The following TANC2 variants were observed in gnomAD, a reference collection of about 807,000 sequenced individuals.
The protein encoded by TANC2 is tetratricopeptide repeat, ankyrin repeat and coiled-coil containing 2.
A neutral mutation model predicts 210.5 loss-of-function variants in TANC2; 26 were observed. The observed-to-expected ratio is 0.12, with a 90% CI of 0.09 to 0.17. TANC2 has a LOEUF of 0.17. TANC2 is among the 10% of genes least tolerant of loss of function. TANC2 has a pLI of 1.00. For synonymous variants in TANC2, 931 were observed against 967.1 expected, an observed-to-expected ratio of 0.96 and a Z score of 0.69; for missense variants, 2,129 against 2,608.9, an observed-to-expected ratio of 0.82 and a Z score of 4.01.
rs188703631 is a variant in TANC2, at chr17:63,003,523, C to T, written c.-23-6014C>T. On this transcript the variant is annotated intron_variant, in intron 1 of 27. Transcript: ENST00000689528. Reference sequence around the variant, plus strand: ...AACTAGACAAAGGGATGTTTTACCTCCCAGGCAGGATGGAGCAGGATGGTG... The same window carrying T: ...AACTAGACAAAGGGATGTTTTACCTTCCAGGCAGGATGGAGCAGGATGGTG... Among the ~76,000 whole-genome samples the T allele has an allele frequency of 2.8e-3, 423 of 152,306 alleles. 1 individual carries two copies. The highest frequency in any genetic ancestry group is 4.6e-3 in the Non-Finnish European group (315 of 68,032).
chr17:63,077,329 G>GTCTTA (rs2036606177), intron 3 of TANC2, among the ~76,000 whole-genome samples: 2 of 152,288 alleles, frequency 1.3e-5, no homozygotes, highest in South Asian at 2.1e-4. Context: ...CAATCTGCCT[G>GTCTTA]TCTTATACAC....
At chr17:63,272,297 T>TA (rs2043735038) in intron 9 of TANC2, among the ~76,000 whole-genome samples, 1 of 152,238 alleles carries the variant, frequency 6.6e-6, no homozygotes, top group East Asian at 1.9e-4. Flanking sequence ...GGTTCTCTAT[T>TA]ATGTTCGGTT....
chr17:63,070,175 T>C (rs539509074), intron 2 of TANC2, among the ~76,000 whole-genome samples: 1 of 152,296 alleles, frequency 6.6e-6, no homozygotes, highest in East Asian at 1.9e-4. Context: ...AATCTAGATA[T>C]TGTGGTTTTC....
At chr17:63,004,643 G>A in intron 1 of TANC2, 1 of 232,444 alleles carries the variant, frequency 4.3e-6, no homozygotes, top group Non-Finnish European at 8.8e-6. Flanking sequence ...TATAAAACTT[G>A]ATAAAAAATA....
chr17:63,007,257 C>T (rs2033665435), intron 1 of TANC2, among the ~76,000 whole-genome samples: 1 of 152,116 alleles, frequency 6.6e-6, no homozygotes, highest in Non-Finnish European at 1.5e-5. Flanking sequence ...ATGCTATCTT[C>T]TTGTTGATAG....
intron 2 of TANC2, among the ~76,000 whole-genome samples, chr17:63,067,848 T>G (rs895864770): frequency 6.6e-6 from 1 of 152,126 alleles, no homozygotes; most frequent in African/African-American, 2.4e-5. Context: ...ATTCATAACA[T>G]TGGAGTTCCA....
At chr17:63,085,999 T>A (rs2036950711) in intron 3 of TANC2, among the ~76,000 whole-genome samples, 1 of 152,084 alleles carries the variant, frequency 6.6e-6, no homozygotes, top group Non-Finnish European at 1.5e-5. Context: ...TTTTGAAGGA[T>A]GATTCTGCAG....
At chr17:63,153,069 T>G (rs2039711332) in intron 5 of TANC2, 1 of 152,162 alleles carries the variant, frequency 6.6e-6, no homozygotes, top group African/African-American at 2.4e-5. Flanking sequence ...TCATCTCTAA[T>G]CAAGTTATTA....
intron 5 of TANC2, among the ~76,000 whole-genome samples, chr17:63,191,944 A>G (rs563094994): frequency 1.3e-4 from 20 of 152,320 alleles, no homozygotes; most frequent in Admixed American, 3.3e-4. Flanking sequence ...AAGAGGAGAC[A>G]GAGGCAGCCG....
intron 2 of TANC2, among the ~76,000 whole-genome samples, chr17:63,061,517 T>C (rs1212667855): frequency 6.6e-6 from 1 of 152,206 alleles, no homozygotes; most frequent in Non-Finnish European, 1.5e-5. Flanking sequence ...AGGGTACTCT[T>C]GAAATACATA....
chr17:63,014,053 ACTTTT>A (rs1383490413), intron 2 of TANC2, among the ~76,000 whole-genome samples: 14 of 151,778 alleles, frequency 9.2e-5, no homozygotes, highest in African/African-American at 3.1e-4. Context: ...TACTTTTCAT[ACTTTT>A]CTTTCTGTTC....
At chr17:63,174,554 A>G (rs1017394058) in intron 5 of TANC2, among the ~76,000 whole-genome samples, 3 of 152,220 alleles carry the variant, frequency 2.0e-5, no homozygotes, top group African/African-American at 7.2e-5. Context: ...TTAGCATATC[A>G]TCATTATTTC....
chr17:63,159,584 C>T (rs530089573), intron 5 of TANC2, among the ~76,000 whole-genome samples: 11 of 152,230 alleles, frequency 7.2e-5, no homozygotes, highest in Non-Finnish European at 2.9e-5. Context: ...AAAAAATTCA[C>T]ACACAAAAAT....
At chr17:63,115,583 A>G (rs575429677) in intron 4 of TANC2, among the ~76,000 whole-genome samples, 1 of 152,322 alleles carries the variant, frequency 6.6e-6, no homozygotes, top group East Asian at 1.9e-4. Context: ...GTGTGATGGG[A>G]CACAATATCC....
Position 63,319,162 on chromosome 17 carries a change from C to A in TANC2, c.1575+72C>A, listed in dbSNP as rs2045414189. 1.1e-5 allele frequency: 16 copies of A among 1,501,176 alleles called. 1 individual carries two copies. In the South Asian group the frequency reaches 2.0e-4, roughly 18 times the overall value. The allele number at this position is 1,501,176 out of a possible 1,614,324, so 93.0% of individuals were successfully genotyped here. ...ATCAAGGAAGCAAAGATAGGGAGAC[C>A]TTTGGCAAAGTGAACAAAAATACGT... On this transcript the variant is annotated intron_variant, in intron 11 of 27. Transcript: ENST00000689528.
At chr17:63,009,798 C>T (rs75106511) in intron 2 of TANC2, among the ~76,000 whole-genome samples, 172 bp downstream of exon 2, 4,572 of 152,054 alleles carry the variant, frequency 0.03, 88 homozygotes, top group African/African-American at 0.038. Flanking sequence ...CACTTGAATG[C>T]GTATCAGGAA....
intron 5 of TANC2, among the ~76,000 whole-genome samples, chr17:63,174,556 CATT>C (rs528427453): frequency 1.1e-4 from 16 of 152,170 alleles, no homozygotes; most frequent in Non-Finnish European, 2.4e-4. Context: ...AGCATATCAT[CATT>C]ATTTCTACCA....
chr17:63,042,609 A>G (rs900951203), intron 2 of TANC2, among the ~76,000 whole-genome samples: 1 of 152,202 alleles, frequency 6.6e-6, no homozygotes, highest in Non-Finnish European at 1.5e-5. Context: ...GTATTAAAAA[A>G]TACTCGATTA....
chr17:63,093,769 C>G (rs1156789087), intron 3 of TANC2, among the ~76,000 whole-genome samples: 2 of 152,078 alleles, frequency 1.3e-5, no homozygotes, highest in East Asian at 1.9e-4. Flanking sequence ...CTCCATTTAG[C>G]ATTTTTGGGT....
Sources: allele counts gnomAD v4.1 joint callset (sites outside exome capture counted in the v4.1 genomes callset), GRCh38; gene constraint gnomAD v4.1.1; transcripts MANE v1.5; gene names NCBI Gene and HGNC (gene_info 2026-07-23, HGNC 2026-07-21).